Variants in FAM120A observed in about 807,000 individuals in gnomAD.
FAM120A encodes the protein constitutive coactivator of PPAR-gamma-like protein 1.
A neutral mutation model predicts 109.7 loss-of-function variants in FAM120A; 15 were observed. The ratio of observed to expected loss-of-function variants is 0.14; its 90% CI spans 0.09 to 0.21. The LOEUF is 0.21. FAM120A is among the 10% of genes least tolerant of loss of function. The probability of loss-of-function intolerance (pLI) is 1.00; values close to 1 mark genes in which losing one functional copy is unlikely to be tolerated. For synonymous variants in FAM120A, 493 were observed against 572.8 expected (o/e 0.86, Z 1.99); for missense variants, 899 against 1,439.3 (o/e 0.62, Z 6.07).
chr9:93,549,885 A>G (rs1186573796), intron 11 of FAM120A, among the ~76,000 whole-genome samples: 1 of 152,236 alleles, frequency 6.6e-6, no homozygotes. Context: ...TGCCTTGTGC[A>G]GTACTGTAGG....
intron 1 of FAM120A, among the ~76,000 whole-genome samples, chr9:93,463,241 CATT>C (rs1375702102): frequency 6.6e-6 from 1 of 152,088 alleles, no homozygotes; most frequent in African/African-American, 2.4e-5. Context: ...TTCAGTGTCT[CATT>C]GTGGTTTTGA....
At chr9:93,469,532 G>A (rs576732416) in intron 1 of FAM120A, among the ~76,000 whole-genome samples, 59 of 152,208 alleles carry the variant, frequency 3.9e-4, no homozygotes, top group African/African-American at 1.4e-3. Flanking sequence ...ATGTAAAGTT[G>A]TACATAATAA....
chr9:93,451,882 C>T lies in FAM120A; in HGVS notation c.-34C>T. ...CACCACCCCCGGCCCCGCCGCCCCC[C>T]GCCCGCACCCGCGCCCGCGCCCCCG... is the stretch of plus-strand genomic sequence containing the variant. On this transcript the variant is annotated 5_prime_UTR_variant, in exon 1 of 18. Coordinates refer to ENST00000277165, the MANE Select transcript of FAM120A (RefSeq NM_014612.5). 2 of 1,212,202 alleles carry T rather than the reference C, an allele frequency of 1.6e-6. No homozygotes were observed. Among genetic ancestry groups the T allele is most frequent in the Non-Finnish European group, 2.0e-6 (2 of 976,668 alleles). 75.1% of individuals were successfully genotyped at this position (1,212,202 alleles called of 1,614,324 possible). A position where few individuals can be genotyped will look rare whatever the true frequency, so the allele number is the denominator to read the frequency against.
At chr9:93,551,173 A>G (rs1862082548) in intron 12 of FAM120A, among the ~76,000 whole-genome samples, 1 of 152,188 alleles carries the variant, frequency 6.6e-6, no homozygotes. Context: ...ATAAAAAACC[A>G]CTTGAAGAAC....
At chr9:93,471,915 G>A (rs1358234983) in intron 2 of FAM120A, among the ~76,000 whole-genome samples, 1 of 152,138 alleles carries the variant, frequency 6.6e-6, no homozygotes, top group Non-Finnish European at 1.5e-5. Flanking sequence ...AATTCCTTAT[G>A]CTGAATACCC....
intron 1 of FAM120A, among the ~76,000 whole-genome samples, chr9:93,465,044 TAGG>T (rs541855202): frequency 3.9e-5 from 6 of 152,230 alleles, no homozygotes; most frequent in Admixed American, 3.9e-4. Context: ...TAGCTTAGTA[TAGG>T]AGAAGGGAAA....
intron 8 of FAM120A, among the ~76,000 whole-genome samples, chr9:93,528,480 A>G (rs1861181360): frequency 6.6e-6 from 1 of 152,246 alleles, no homozygotes; most frequent in Admixed American, 6.5e-5. Context: ...CAGACAATTC[A>G]GACTGCTAAA....
At chr9:93,525,936 G>A (rs896907051) in intron 7 of FAM120A, among the ~76,000 whole-genome samples, 3 of 152,226 alleles carry the variant, frequency 2.0e-5, no homozygotes, top group African/African-American at 7.2e-5. Context: ...TGTGACAGCA[G>A]AATCTTTTTG....
At chr9:93,512,984 A>C (rs764654585) in intron 5 of FAM120A, among the ~76,000 whole-genome samples, 40 of 152,240 alleles carry the variant, frequency 2.6e-4, no homozygotes, top group Non-Finnish European at 5.7e-4. Flanking sequence ...GGAAGGTTTT[A>C]GGATGAAATG....
chr9:93,531,554 A>G (rs1365400901), intron 9 of FAM120A: 1 of 152,462 alleles, frequency 6.6e-6, no homozygotes, highest in African/African-American at 2.4e-5. Flanking sequence ...TGGCCCTGGG[A>G]CATGAAAAAG....
intron 1 of FAM120A, among the ~76,000 whole-genome samples, chr9:93,463,001 G>A (rs1416298798): frequency 1.3e-5 from 2 of 152,040 alleles, no homozygotes; most frequent in African/African-American, 2.4e-5. Context: ...TGAATGTACC[G>A]ACATCTCTTC....
At chr9:93,473,214 A>C (rs949519767) in intron 2 of FAM120A, among the ~76,000 whole-genome samples, 1 of 152,040 alleles carries the variant, frequency 6.6e-6, no homozygotes, top group Admixed American at 6.6e-5. Flanking sequence ...ACAGGGTTTC[A>C]CCATGTTGGC....
chr9:93,484,794 G>A (rs1467471870), intron 3 of FAM120A, among the ~76,000 whole-genome samples: 5 of 152,108 alleles, frequency 3.3e-5, no homozygotes, highest in African/African-American at 4.8e-5. Flanking sequence ...GGCTGGTCTC[G>A]AGCTCCTGAT....
intron 3 of FAM120A, among the ~76,000 whole-genome samples, chr9:93,489,267 A>T (rs1859207733): frequency 6.6e-6 from 1 of 152,178 alleles, no homozygotes; most frequent in Non-Finnish European, 1.5e-5. Context: ...TAAGATGGGG[A>T]TTTTAACAGT....
At chr9:93,489,417 C>T (rs1859213805) in intron 3 of FAM120A, among the ~76,000 whole-genome samples, 1 of 152,196 alleles carries the variant, frequency 6.6e-6, no homozygotes, top group East Asian at 1.9e-4. Flanking sequence ...CTACAGTTTC[C>T]TCCTTGGACT....
At chr9:93,460,102 G>C (rs879316065) in intron 1 of FAM120A, among the ~76,000 whole-genome samples, 1 of 152,094 alleles carries the variant, frequency 6.6e-6, no homozygotes, top group Non-Finnish European at 1.5e-5. Context: ...TATATGAATA[G>C]GAAGAAACTA....
At chr9:93,524,142 C>T (rs1005005763) in intron 7 of FAM120A, among the ~76,000 whole-genome samples, 4 of 152,204 alleles carry the variant, frequency 2.6e-5, no homozygotes, top group African/African-American at 9.7e-5. Flanking sequence ...TTTACACATG[C>T]CAGATAGTTC....
intron 9 of FAM120A, chr9:93,529,879 C>T (rs1191267875): frequency 1.1e-5 from 6 of 548,658 alleles, no homozygotes; most frequent in South Asian, 2.6e-5. Context: ...ATTCTTTTTA[C>T]TTCAATTTCA....
chr9:93,483,417 A>G (rs1858908443), intron 3 of FAM120A, among the ~76,000 whole-genome samples: 1 of 152,076 alleles, frequency 6.6e-6, no homozygotes, highest in Non-Finnish European at 1.5e-5. Context: ...GGGGAAAAAA[A>G]GAGAGACAGG....
Sources: allele counts gnomAD v4.1 joint callset (sites outside exome capture counted in the v4.1 genomes callset), GRCh38; gene constraint gnomAD v4.1.1; transcripts MANE v1.5; gene names NCBI Gene and HGNC (gene_info 2026-07-23, HGNC 2026-07-21).